Variants in SYNDIG1 observed in about 807,000 individuals in gnomAD.
The protein encoded by SYNDIG1 is synapse differentiation-inducing gene protein 1.
Under a neutral mutation model 19.4 loss-of-function variants are expected in SYNDIG1, and 9 were observed. The observed-to-expected ratio is 0.46, with a 90% confidence interval of 0.28 to 0.81. The LOEUF is 0.81. Among genes scored for constraint, SYNDIG1 ranks in the 30% least tolerant of loss-of-function variants. SYNDIG1 has a pLI of 0.12. For missense variants in SYNDIG1, 311 were observed against 343.3 expected (o/e 0.91, Z 0.74); for synonymous variants, 141 against 145.9 (o/e 0.97, Z 0.24).
intron 3 of SYNDIG1, among the ~76,000 whole-genome samples, chr20:24,646,194 C>A (rs1277688423): frequency 1.3e-5 from 2 of 152,178 alleles, no homozygotes; most frequent in African/African-American, 4.8e-5. Flanking sequence ...CCTCCAATGC[C>A]TAGAGGACTG....
rs1348578972 is a variant in SYNDIG1, at chr20:24,658,423, C to T, written c.619-6923C>T. Among the ~76,000 whole-genome samples the T allele has an allele frequency of 6.6e-6, 1 of 152,060 alleles. No individual in the cohort carries two copies. The highest frequency in any genetic ancestry group is 1.5e-5 in the Non-Finnish European group (1 of 67,988). On this transcript the variant is annotated intron_variant, in intron 3 of 3. Coordinates refer to ENST00000376862, the MANE Select transcript of SYNDIG1 (RefSeq NM_024893.3). The surrounding 1 kb of genome is among the most constrained non-coding windows in gnomAD (Gnocchi z 4.4). ...GCTCCTCCCCGTGACAGATTCCACACAGGAGCTGCAGGCCGTGGACCCCTG... is the reference window on the plus strand; with the variant it reads ...GCTCCTCCCCGTGACAGATTCCACATAGGAGCTGCAGGCCGTGGACCCCTG...
At chr20:24,549,603 T>C (rs2057664159) in intron 2 of SYNDIG1, among the ~76,000 whole-genome samples, 1 of 152,184 alleles carries the variant, frequency 6.6e-6, no homozygotes, top group South Asian at 2.1e-4. Flanking sequence ...GGTGGGTGAC[T>C]GCAACCCCAC....
intron 1 of SYNDIG1, among the ~76,000 whole-genome samples, chr20:24,485,317 A>G (rs1012015995): frequency 6.6e-6 from 1 of 152,230 alleles, no homozygotes; most frequent in Non-Finnish European, 1.5e-5. Context: ...GTGTGGTGCT[A>G]TACTTGAGTC....
chr20:24,576,394 T>C (rs777247374), intron 2 of SYNDIG1, among the ~76,000 whole-genome samples: 7 of 152,258 alleles, frequency 4.6e-5, no homozygotes, highest in Non-Finnish European at 7.3e-5. Context: ...TTTCTTATGA[T>C]GGTTCCGAGC....
At position 24,469,635 on chromosome 20, in the gene SYNDIG1, GGA is replaced by G. The variant is rs1880099147; in HGVS notation, c.-191_-190del. ...GCGGCGCTGAGGGGAGGGCAGAGGA[GGA>G]GAGAGCCTGGCAGCGGAGGAGCAGA... On this transcript the variant is annotated 5_prime_UTR_variant, in exon 1 of 4. Transcript: ENST00000376862. The G allele has an allele frequency of 6.6e-6, 1 of 151,912 alleles. No homozygotes were observed. The highest frequency in any genetic ancestry group is 2.1e-4 in the South Asian group (1 of 4,846). The allele number at this position is 151,912 out of a possible 1,614,324, so 9.4% of individuals were successfully genotyped here. A position where few individuals can be genotyped will look rare whatever the true frequency, so the allele number is the denominator to read the frequency against.
intron 3 of SYNDIG1, among the ~76,000 whole-genome samples, chr20:24,603,761 C>T (rs1294765212): frequency 6.6e-6 from 1 of 152,140 alleles, no homozygotes; most frequent in African/African-American, 2.4e-5. Flanking sequence ...CATCCTTAGC[C>T]CAGAAGAATT....
chr20:24,514,274 A>C (rs1435934344), intron 1 of SYNDIG1, among the ~76,000 whole-genome samples: 1 of 152,238 alleles, frequency 6.6e-6, no homozygotes, highest in Admixed American at 6.5e-5. Flanking sequence ...ACACATAACA[A>C]TATTAACCTT....
At chr20:24,530,804 G>GTTTTTT (rs199615273) in intron 1 of SYNDIG1, among the ~76,000 whole-genome samples, 1 of 149,254 alleles carries the variant, frequency 6.7e-6, no homozygotes, top group African/African-American at 2.5e-5. Flanking sequence ...TGTTTTTTGG[G>GTTTTTT]TTTTTTGTTT....
chr20:24,539,631 T>G (rs1191542332), intron 1 of SYNDIG1, among the ~76,000 whole-genome samples: 1 of 152,230 alleles, frequency 6.6e-6, no homozygotes, highest in Non-Finnish European at 1.5e-5. Flanking sequence ...ACTGGGATTT[T>G]GCTACTGATC....
chr20:24,517,434 T>C (rs905022099), intron 1 of SYNDIG1, among the ~76,000 whole-genome samples: 6 of 150,040 alleles, frequency 4.0e-5, no homozygotes, highest in African/African-American at 1.5e-4. Context: ...GCTAACACGG[T>C]GAAACCCCAT....
At chr20:24,642,135 C>T (rs977704787) in intron 3 of SYNDIG1, among the ~76,000 whole-genome samples, 1 of 152,208 alleles carries the variant, frequency 6.6e-6, no homozygotes, top group Non-Finnish European at 1.5e-5. Context: ...GTAGTTGTGC[C>T]TCCTTAAGTT....
At chr20:24,488,778 A>G (rs1239785585) in intron 1 of SYNDIG1, among the ~76,000 whole-genome samples, 3 of 152,188 alleles carry the variant, frequency 2.0e-5, no homozygotes, top group Admixed American at 6.5e-5. Flanking sequence ...AATATGGAAT[A>G]CATTTCCTGC....
At chr20:24,478,349 T>A (rs544814619) in intron 1 of SYNDIG1, among the ~76,000 whole-genome samples, 5 of 152,294 alleles carry the variant, frequency 3.3e-5, no homozygotes, top group Middle Eastern at 6.8e-3. Flanking sequence ...TGGCTGTTAT[T>A]CTGTGTGACT....
chr20:24,632,598 A>G (rs2059260540), intron 3 of SYNDIG1, among the ~76,000 whole-genome samples: 1 of 152,162 alleles, frequency 6.6e-6, no homozygotes, highest in South Asian at 2.1e-4. Flanking sequence ...GCCTCATTTC[A>G]ATGAGAGTTT....
At chr20:24,528,214 T>C (rs117553461) in intron 1 of SYNDIG1, among the ~76,000 whole-genome samples, 3,673 of 152,366 alleles carry the variant, frequency 0.024, 52 homozygotes, top group Middle Eastern at 0.041. Context: ...ATTTCACTGA[T>C]GTATTTTTAT....
intron 3 of SYNDIG1, among the ~76,000 whole-genome samples, chr20:24,648,129 T>C (rs757530950): frequency 4.6e-5 from 7 of 152,110 alleles, no homozygotes; most frequent in Non-Finnish European, 8.8e-5. Context: ...TACCATCTCA[T>C]TGGAATTAGG....
Position 24,469,765 on chromosome 20 carries a change from CCT to C in SYNDIG1, c.-79+14_-79+15del, listed in dbSNP as rs996320461. The C allele has an allele frequency of 1.3e-5, 2 of 151,784 alleles. No individual in the cohort carries two copies. The highest frequency in any genetic ancestry group is 2.9e-5 in the Non-Finnish European group (2 of 67,972). 9.4% of individuals were successfully genotyped at this position (151,784 alleles called of 1,614,324 possible). The stretch of plus-strand genomic sequence containing the variant: ...ACCTTGTCCCGGAGGTAAGTCCAGA[CCT>C]CCCGGCCGCGGGGGCGGGCGGAGGG... On this transcript the variant is annotated intron_variant, in intron 1 of 3. Coordinates refer to ENST00000376862, the MANE Select transcript of SYNDIG1 (RefSeq NM_024893.3).
chr20:24,491,757 A>C (rs1252753388), intron 1 of SYNDIG1: 3 of 152,232 alleles, frequency 2.0e-5, no homozygotes, highest in Non-Finnish European at 2.9e-5. Context: ...AATTAAAAGT[A>C]TGGTTATGCT....
chr20:24,539,217 T>C (rs1462659938), intron 1 of SYNDIG1, among the ~76,000 whole-genome samples: 5 of 152,216 alleles, frequency 3.3e-5, no homozygotes, highest in Admixed American at 3.3e-4. Context: ...TCTAAGAGTT[T>C]TATGGTTTTA....
Sources: allele counts gnomAD v4.1 joint callset (sites outside exome capture counted in the v4.1 genomes callset), GRCh38; gene constraint gnomAD v4.1.1; non-coding constraint Gnocchi (gnomAD v3.1); transcripts MANE v1.5; gene names NCBI Gene and HGNC (gene_info 2026-07-23, HGNC 2026-07-21).